Variants in GLRB observed in about 807,000 individuals in gnomAD.
GLRB encodes the protein glycine receptor subunit beta.
GLRB carries 33 observed loss-of-function variants against 54.2 expected under a neutral mutation model. The ratio of observed to expected loss-of-function variants is 0.61; its 90% CI spans 0.46 to 0.81. GLRB has a LOEUF of 0.81. Among genes scored for constraint, GLRB ranks in the 40% least tolerant of loss-of-function variants. GLRB has a pLI of 0.00. For missense variants in GLRB, 572 were observed against 584.6 expected, an observed-to-expected ratio of 0.98 and a Z score of 0.22; for synonymous variants, 209 against 208.2, an observed-to-expected ratio of 1.00 and a Z score of -0.03.
chr4:157,111,426 A>G (rs112747007), intron 2 of GLRB, among the ~76,000 whole-genome samples: 4 of 151,972 alleles, frequency 2.6e-5, no homozygotes, highest in African/African-American at 9.7e-5. Flanking sequence ...AAAAACTGAG[A>G]TGCTAGGTGT....
rs1737078131 is a variant in GLRB, at chr4:157,152,874, T to C, written c.1061T>C (p.Leu354Pro). 6.2e-7 allele frequency: 1 copy of C among 1,613,926 alleles called. No individual in the cohort carries two copies. The highest frequency in any genetic ancestry group is 8.5e-7 in the Non-Finnish European group (1 of 1,180,002). ...GAGTATGCAGTTGTCCAGGTGATGC[T>C]GAACAACCCCAAAAGGGTTGAAGCT... ...LVEYAVVQVM[L>P]NNPKRVEAEK... Residue 354 changes from leucine to proline, a missense_variant, in exon 9 of 10, where the codon CTG becomes CCG. Physicochemically the swap from Leu to Pro is moderately conservative, Grantham distance 98. Transcript: ENST00000264428.
intron 2 of GLRB, among the ~76,000 whole-genome samples, chr4:157,103,078 G>A (rs745926176): frequency 9.9e-5 from 15 of 151,506 alleles, no homozygotes; most frequent in Non-Finnish European, 2.1e-4. Flanking sequence ...TTGAACCCGG[G>A]AGGCAAGGTT....
chr4:157,161,411 G>T (rs1361626646), intron 9 of GLRB, among the ~76,000 whole-genome samples: 1 of 152,222 alleles, frequency 6.6e-6, no homozygotes, highest in South Asian at 2.1e-4. Flanking sequence ...AGCTGATGCA[G>T]TTTCTTCCTG....
chr4:157,139,893 G>A (rs1366476664), intron 7 of GLRB, among the ~76,000 whole-genome samples: 15 of 151,932 alleles, frequency 9.9e-5, no homozygotes, highest in Admixed American at 9.8e-4. Flanking sequence ...TTTGTAGAAT[G>A]CTGACAGAAT....
At position 157,170,662 on chromosome 4, in the gene GLRB, T is replaced by G; in HGVS notation, c.1428T>G (p.Tyr476Ter). The G allele has an allele frequency of 6.2e-7, 1 of 1,608,662 alleles. No homozygotes were observed. The highest frequency in any genetic ancestry group is 2.2e-5 in the East Asian group (1 of 44,848). ...CAGCAGCAAAGCGAATTGATCTTTA[T>G]GCAAGAGCATTGTTTCCTTTCTGCT... ...IPTAAKRIDL[Y>*]ARALFPFCFL... Residue 476 changes from tyrosine to a stop codon, truncating the protein, a stop_gained, in exon 10 of 10, where the codon TAT becomes TAG. Coordinates refer to ENST00000264428, the MANE Select transcript of GLRB (RefSeq NM_000824.5). LOFTEE classifies it high-confidence loss of function.
chr4:157,077,453 T>TA (rs1472940889), intron 1 of GLRB, among the ~76,000 whole-genome samples: 6 of 152,150 alleles, frequency 3.9e-5, no homozygotes, highest in Non-Finnish European at 1.5e-5. Context: ...TGTGGAACTC[T>TA]TTGATATTAA....
At chr4:157,126,344 T>G (rs2126543049) in intron 4 of GLRB, among the ~76,000 whole-genome samples, 1 of 151,924 alleles carries the variant, frequency 6.6e-6, no homozygotes, top group Non-Finnish European at 1.5e-5. Context: ...TTCCTTAAGG[T>G]CTTCCATATC....
intron 2 of GLRB, among the ~76,000 whole-genome samples, chr4:157,110,928 C>G (rs1735394827): frequency 1.3e-5 from 2 of 151,986 alleles, no homozygotes; most frequent in Admixed American, 1.3e-4. Flanking sequence ...CCTCTGGTAG[C>G]TCTTAGAGAA....
At chr4:157,126,628 A>G (rs1389784388) in intron 4 of GLRB, among the ~76,000 whole-genome samples, 27 of 151,890 alleles carry the variant, frequency 1.8e-4, no homozygotes, top group Admixed American at 1.8e-3. Context: ...AAATAAGAGT[A>G]TTCAAAACAG....
At chr4:157,168,009 C>T (rs1456719738) in intron 9 of GLRB, among the ~76,000 whole-genome samples, 5 of 152,138 alleles carry the variant, frequency 3.3e-5, no homozygotes, top group African/African-American at 7.2e-5. Flanking sequence ...GGATCTGGCC[C>T]CGTGACCCAA....
At chr4:157,081,355 C>T (rs923932366) in intron 2 of GLRB, among the ~76,000 whole-genome samples, 1 of 152,108 alleles carries the variant, frequency 6.6e-6, no homozygotes, top group Non-Finnish European at 1.5e-5. Context: ...TCTTTATGTA[C>T]AGCTCAGATC....
At chr4:157,088,018 G>A (rs1002407669) in intron 2 of GLRB, among the ~76,000 whole-genome samples, 7 of 152,052 alleles carry the variant, frequency 4.6e-5, no homozygotes, top group African/African-American at 1.4e-4. Context: ...CATACAAATG[G>A]TTCCTCTGAG....
chr4:157,144,523 T>C (rs144764913), intron 8 of GLRB, among the ~76,000 whole-genome samples: 4 of 152,334 alleles, frequency 2.6e-5, no homozygotes, highest in Non-Finnish European at 4.4e-5. Flanking sequence ...TTGAAAATTG[T>C]GTCTGTATAA....
chr4:157,122,383 C>A lies in GLRB; in HGVS notation c.283C>A (p.Gln95Lys). Residue 95 changes from glutamine to lysine, a missense_variant, in exon 4 of 10, where the codon CAA becomes AAA. Coordinates refer to ENST00000264428, the MANE Select transcript of GLRB (RefSeq NM_000824.5). ...TTTTATTAACAGTTTTGGATCCATT[C>A]AAGAAACAACAATGGTAAGATTGCA... is the stretch of plus-strand genomic sequence containing the variant. ...NIFINSFGSI[Q>K]ETTMDYRVNI... is the part of the protein sequence containing the mutation. 2 of 1,225,478 alleles carry A rather than the reference C, an allele frequency of 1.6e-6. No individual in the cohort carries two copies. Among genetic ancestry groups the A allele is most frequent in the Non-Finnish European group, 2.4e-6 (2 of 839,308 alleles). The allele number at this position is 1,225,478 out of a possible 1,614,324, so 75.9% of individuals were successfully genotyped here.
At chr4:157,121,255 T>C (rs1560954183) in intron 3 of GLRB, among the ~76,000 whole-genome samples, 1 of 151,668 alleles carries the variant, frequency 6.6e-6, no homozygotes, top group Non-Finnish European at 1.5e-5. Flanking sequence ...GATATTACCA[T>C]TTATCACACC....
At chr4:157,110,473 A>G (rs1025214195) in intron 2 of GLRB, among the ~76,000 whole-genome samples, 4 of 151,958 alleles carry the variant, frequency 2.6e-5, no homozygotes, top group African/African-American at 9.7e-5. Flanking sequence ...TTCAGCTTCA[A>G]GGTTTCTACC....
At chr4:157,101,848 G>T (rs1304050557) in intron 2 of GLRB, among the ~76,000 whole-genome samples, 1 of 150,250 alleles carries the variant, frequency 6.7e-6, no homozygotes, top group African/African-American at 2.5e-5. Context: ...GGTGGGGGCG[G>T]TTGTTAAAAA....
At chr4:157,107,692 G>A (rs555326413) in intron 2 of GLRB, among the ~76,000 whole-genome samples, 1 of 152,222 alleles carries the variant, frequency 6.6e-6, no homozygotes, top group South Asian at 2.1e-4. Flanking sequence ...AACGTGTGAG[G>A]TGGCACAGCA....
intron 2 of GLRB, among the ~76,000 whole-genome samples, chr4:157,081,447 TA>T: frequency 6.6e-6 from 1 of 152,238 alleles, no homozygotes. Context: ...CTTGAAATGA[TA>T]AAACCTGAAC....
Sources: gnomAD v4.1 joint callset for allele counts (sites outside exome capture counted in the v4.1 genomes callset) on GRCh38, gnomAD v4.1.1 for gene constraint, MANE v1.5 for transcripts, NCBI Gene and HGNC (gene_info 2026-07-23, HGNC 2026-07-21) for gene names.